The following ZPBP variants were observed in gnomAD, a reference collection of about 807,000 sequenced individuals.
ZPBP encodes zona pellucida binding protein.
A neutral mutation model predicts 44.8 loss-of-function variants in ZPBP; 26 were observed. That is an observed-to-expected ratio of 0.58 (90% CI 0.43 to 0.81). The LOEUF is 0.81. Among genes scored for constraint, ZPBP ranks in the 30% least tolerant of loss-of-function variants. ZPBP has a pLI of 0.00. For missense variants in ZPBP, 409 were observed against 434.0 expected (o/e 0.94, Z 0.51); for synonymous variants, 174 against 153.2 (o/e 1.14, Z -1.00).
intron 2 of ZPBP, among the ~76,000 whole-genome samples, chr7:49,850,695 C>A (rs1237601055): frequency 6.6e-6 from 1 of 152,254 alleles, no homozygotes; most frequent in Admixed American, 6.5e-5. Flanking sequence ...CAGTGTCAGA[C>A]AACTTGTGTT....
Position 50,058,104 on chromosome 7 carries a change from G to T in ZPBP, c.372C>A (p.Ser124Arg). Residue 124 changes from serine to arginine, a missense_variant, in exon 4 of 8, where the codon AGC becomes AGA. Physicochemically the swap from Ser to Arg is moderately radical, Grantham distance 110. This residue lies in a region of ZPBP where 367 missense variants were observed against 363.1 expected (regional missense o/e 1.01). Transcript: ENST00000046087. Reference sequence around the variant, plus strand: ...TCTCCTCAAAATTTTGGAATACAAGGCTTCCTGTGGATGTTATTTGTGCAG... The same window carrying T: ...TCTCCTCAAAATTTTGGAATACAAGTCTTCCTGTGGATGTTATTTGTGCAG... ...NRTAQITSTG[S>R]LVFQNFEESM... The T allele has an allele frequency of 1.2e-6, 2 of 1,613,788 alleles. No individual in the cohort carries two copies. Among genetic ancestry groups the T allele is most frequent in the Non-Finnish European group, 1.7e-6 (2 of 1,179,868 alleles).
rs571603257 is a variant in ZPBP, at chr7:49,900,340, A to T, written n.509+778T>A. Among the ~76,000 whole-genome samples, 7 of 151,902 alleles carry T rather than the reference A, an allele frequency of 4.6e-5. No homozygotes were observed. In the South Asian group the frequency reaches 1.4e-3, roughly 31 times the overall value. On this transcript the variant is annotated intron_variant and non_coding_transcript_variant, in intron 2 of 2. Coordinates refer to the ZPBP transcript ENST00000465922. ...ATGGAGCAGTAATCTATTAATTTAA[A>T]ACAGGAAAACAATAGAGAAAGCTGA...
intron 7 of ZPBP, among the ~76,000 whole-genome samples, chr7:49,982,517 A>T (rs544828864): frequency 6.6e-6 from 1 of 150,722 alleles, no homozygotes; most frequent in African/African-American, 2.4e-5. Flanking sequence ...AAACACAAAA[A>T]AATTATAAAG....
At chr7:49,912,101 C>A (rs777282786) in intron 1 of ZPBP, 1 of 1,614,122 alleles carries the variant, frequency 6.2e-7, no homozygotes, top group South Asian at 1.1e-5. Flanking sequence ...ACGAGTGCAC[C>A]ATATGCCACT....
At position 49,857,009 on chromosome 7, in the gene ZPBP, C is replaced by CAAAAAAAAAAAAAAAAA. The variant is rs59910243; in HGVS notation, n.510-6512_510-6496dup. 1.5e-4 allele frequency among the ~76,000 whole-genome samples: 8 copies of CAAAAAAAAAAAAAAAAA among 52,786 alleles called. No homozygotes were observed. In the Admixed American group the frequency reaches 1.5e-3, roughly 10 times the overall value. The allele number at this position is 52,786 out of a possible 152,430, so 34.6% of individuals were successfully genotyped here. ...TGGGTGACAGAGCCAGATACTGTCT[C>CAAAAAAAAAAAAAAAAA]AAAAAAAAAAAAAAAAAAAAAAAAA... On this transcript the variant is annotated intron_variant and non_coding_transcript_variant, in intron 2 of 2. Coordinates refer to the ZPBP transcript ENST00000465922.
intron 5 of ZPBP, among the ~76,000 whole-genome samples, chr7:50,020,769 C>A (rs1799058582): frequency 6.6e-6 from 1 of 152,032 alleles, no homozygotes; most frequent in Non-Finnish European, 1.5e-5. Flanking sequence ...TGGTCAGAAT[C>A]AACTTTTGTC....
At chr7:49,899,336 A>T (rs990536783) in intron 2 of ZPBP, among the ~76,000 whole-genome samples, 3 of 152,042 alleles carry the variant, frequency 2.0e-5, no homozygotes, top group African/African-American at 7.2e-5. Context: ...GTGCAAAAAA[A>T]TTAAAGTTTA....
At chr7:50,075,839 T>C (rs1189441481) in intron 3 of ZPBP, among the ~76,000 whole-genome samples, 1 of 151,886 alleles carries the variant, frequency 6.6e-6, no homozygotes, top group Non-Finnish European at 1.5e-5. Context: ...GAAGAAATAA[T>C]ACCAATCCTA....
intron 2 of ZPBP, among the ~76,000 whole-genome samples, chr7:49,877,321 G>A (rs1189903175): frequency 6.7e-6 from 1 of 150,186 alleles, no homozygotes; most frequent in East Asian, 2.0e-4. Context: ...AATTAGCTGG[G>A]CGTGGTGGCA....
intron 1 of ZPBP, among the ~76,000 whole-genome samples, chr7:49,907,484 A>G (rs577824935): frequency 6.6e-6 from 1 of 152,200 alleles, no homozygotes; most frequent in African/African-American, 2.4e-5. Context: ...TATATTAAGG[A>G]TTTTAATAAA....
rs921135417 is a variant in ZPBP at position 49,954,483 on chromosome 7, A to G, written c.962-16861T>C. 2.0e-5 allele frequency among the ~76,000 whole-genome samples: 3 copies of G among 152,312 alleles called. No homozygotes were observed. In the South Asian group the frequency reaches 6.2e-4, roughly 32 times the overall value. ...ATTAAGATTTTGTCCATCAAAGTAT[A>G]TTATCAAGAACTTTGCAAATTGGCA... On this transcript the variant is annotated intron_variant, in intron 7 of 7. Transcript: ENST00000046087.
At chr7:49,959,799 A>G (rs1458189263) in intron 7 of ZPBP, among the ~76,000 whole-genome samples, 1 of 152,208 alleles carries the variant, frequency 6.6e-6, no homozygotes, top group Non-Finnish European at 1.5e-5. Context: ...CAATCTTTAA[A>G]ATAAAAACAA....
intron 1 of ZPBP, among the ~76,000 whole-genome samples, chr7:49,911,756 G>A (rs1162427250): frequency 6.6e-6 from 1 of 151,774 alleles, no homozygotes; most frequent in Non-Finnish European, 1.5e-5. Context: ...AACTAGCTGG[G>A]TATAGTGGCA....
intron 7 of ZPBP, among the ~76,000 whole-genome samples, chr7:49,946,945 T>C (rs559131701): frequency 1.2e-4 from 19 of 152,132 alleles, no homozygotes; most frequent in Non-Finnish European, 2.5e-4. Context: ...GCTCACTAAT[T>C]CTTTATTTTG....
In ZPBP at chr7:49,867,840, A is replaced by ATT. The variant is rs140005386; in HGVS notation, n.510-17328_510-17327dup. The stretch of plus-strand genomic sequence containing the variant: ...TTTCTATTTTTTATTTTATTATTTT[A>ATT]TTTTATTTTTTGAGGTGGAGTCTTG... On this transcript the variant is annotated intron_variant and non_coding_transcript_variant, in intron 2 of 2. Transcript: ENST00000465922. Among the ~76,000 whole-genome samples, 384 of 141,156 alleles carry ATT rather than the reference A, an allele frequency of 2.7e-3. 3 individuals carry two copies. Among genetic ancestry groups the ATT allele is most frequent in the African/African-American group, 6.4e-3 (258 of 40,382 alleles). The allele number at this position is 141,156 out of a possible 152,430, so 92.6% of individuals were successfully genotyped here.
At chr7:49,912,445 T>C (rs1317373395) in intron 1 of ZPBP, 3 of 327,952 alleles carry the variant, frequency 9.1e-6, no homozygotes, top group East Asian at 1.1e-4. Flanking sequence ...AAAAGTACAC[T>C]ATTATATATC....
intron 6 of ZPBP, among the ~76,000 whole-genome samples, chr7:49,996,170 G>C (rs1446756010): frequency 5.9e-5 from 9 of 152,088 alleles, no homozygotes; most frequent in Non-Finnish European, 1.2e-4. Context: ...TATTTTCCTA[G>C]ATAATAGCAG....
chr7:49,865,742 A>G (rs1039185832), intron 2 of ZPBP, among the ~76,000 whole-genome samples: 2 of 152,218 alleles, frequency 1.3e-5, no homozygotes, highest in Non-Finnish European at 2.9e-5. Context: ...ACAGAGGTCT[A>G]TTATGGTAAC....
chr7:49,878,591 T>A (rs1791543052), intron 2 of ZPBP, among the ~76,000 whole-genome samples: 1 of 152,210 alleles, frequency 6.6e-6, no homozygotes, highest in Non-Finnish European at 1.5e-5. Context: ...TTTGTTTTTG[T>A]TCCAGCAGTT....
Sources: allele counts gnomAD v4.1 joint callset (sites outside exome capture counted in the v4.1 genomes callset), GRCh38; gene constraint gnomAD v4.1.1; regional missense constraint gnomAD v4.1.1; transcripts MANE v1.5; gene names NCBI Gene and HGNC (gene_info 2026-07-23, HGNC 2026-07-21).